COG5: variants seen among roughly 807,000 people sequenced by gnomAD.
COG5 encodes conserved oligomeric Golgi complex subunit 5.
A neutral mutation model predicts 110.4 loss-of-function variants in COG5; 86 were observed. The observed-to-expected ratio is 0.78, with a 90% CI of 0.65 to 0.93. COG5 has a LOEUF of 0.93. Among genes scored for constraint, COG5 ranks in the 40% least tolerant of loss-of-function variants. The pLI is 0.00. For missense variants in COG5, 1,077 were observed against 987.0 expected, an observed-to-expected ratio of 1.09 and a Z score of -1.22; for synonymous variants, 360 against 334.6, an observed-to-expected ratio of 1.08 and a Z score of -0.83.
intron 8 of COG5, among the ~76,000 whole-genome samples, chr7:107,372,371 T>C (rs1814253180): frequency 6.6e-6 from 1 of 152,216 alleles, no homozygotes; most frequent in Non-Finnish European, 1.5e-5. Context: ...CTACAGTTTA[T>C]GGATCTTTAT....
Position 107,362,398 on chromosome 7 carries a change from C to T in COG5, c.858G>A (p.Met286Ile), listed in dbSNP as rs1325740175. ...AAGCTGCAGTATTTCCTGGGGTTGG[C>T]ATGGTAGATCGTCCAGGTCCCCCTG... is the stretch of plus-strand genomic sequence containing the variant. ...AVRGGPGRST[M>I]PTPGNTAALR... is the part of the protein sequence containing the mutation. Residue 286 changes from methionine (M) to isoleucine (I), a missense_variant, in exon 9 of 22, where the codon ATG becomes ATA. Met to Ile is a conservative substitution (Grantham distance 10, BLOSUM62 1). Coordinates refer to ENST00000297135, the MANE Select transcript of COG5 (RefSeq NM_006348.5). 5.6e-6 allele frequency: 9 copies of T among 1,613,628 alleles called. No individual in the cohort carries two copies. In the Admixed American group the frequency reaches 1.0e-4, roughly 18 times the overall value.
intron 11 of COG5, among the ~76,000 whole-genome samples, chr7:107,314,525 C>A (rs1485220235): frequency 6.9e-6 from 1 of 144,980 alleles, no homozygotes; most frequent in African/African-American, 2.6e-5. Flanking sequence ...GGGCAGATCA[C>A]GAGGTCAGGA....
chr7:107,305,372 C>T (rs1807626548), intron 11 of COG5, among the ~76,000 whole-genome samples: 1 of 152,120 alleles, frequency 6.6e-6, no homozygotes, highest in Non-Finnish European at 1.5e-5. Context: ...AATCAACTGC[C>T]AGGCCTTCAC....
intron 6 of COG5, among the ~76,000 whole-genome samples, chr7:107,443,765 A>AG (rs1474327800): frequency 1.3e-5 from 2 of 152,156 alleles, no homozygotes; most frequent in Non-Finnish European, 2.9e-5. Context: ...TGTGCCATGA[A>AG]GGACTTATGC....
chr7:107,548,256 T>C (rs1230283161), intron 4 of COG5, 22 bp downstream of exon 4: 2 of 1,605,822 alleles, frequency 1.2e-6, no homozygotes, highest in African/African-American at 2.7e-5. Flanking sequence ...ATTCCATTTA[T>C]TTATAAAATT....
chr7:107,514,537 G>A (rs1451043395), intron 6 of COG5, among the ~76,000 whole-genome samples: 1 of 152,122 alleles, frequency 6.6e-6, no homozygotes, highest in Non-Finnish European at 1.5e-5. Context: ...ACCAATAGCA[G>A]AAATCCCTTT....
chr7:107,248,302 G>T, intron 17 of COG5, 94 bp downstream of exon 17: 1 of 826,796 alleles, frequency 1.2e-6, no homozygotes, highest in Non-Finnish European at 2.1e-6. Context: ...CAAGGCCCTG[G>T]ATGGCAGGGG....
rs186393315 is a variant in COG5 at position 107,398,026 on chromosome 7, C to A, written c.669+14476G>T. 1.4e-4 allele frequency among the ~76,000 whole-genome samples: 22 copies of A among 152,114 alleles called. No homozygotes were observed. The East Asian group carries it at 4.2e-3, about 29-fold the overall frequency. ...TACATAAAAATTAAAATGTAAAATT[C>A]TAAAACCTCTAAAAGAAAACATGAG... On this transcript the variant is annotated intron_variant, in intron 7 of 21. Coordinates refer to ENST00000297135, the MANE Select transcript of COG5 (RefSeq NM_006348.5).
intron 5 of COG5, among the ~76,000 whole-genome samples, chr7:107,538,354 T>C (rs1563089468): frequency 6.6e-6 from 1 of 152,192 alleles, no homozygotes; most frequent in South Asian, 2.1e-4. Flanking sequence ...CTATGTAAAT[T>C]AGACACTGCC....
chr7:107,208,340 T>G, intron 21 of COG5: 1 of 985,382 alleles, frequency 1.0e-6, no homozygotes, highest in Non-Finnish European at 1.2e-6. Flanking sequence ...ATGAAATCAC[T>G]CAGGAGACAT....
chr7:107,257,806 C>A (rs1303063026), intron 15 of COG5, among the ~76,000 whole-genome samples: 1 of 152,118 alleles, frequency 6.6e-6, no homozygotes, highest in East Asian at 1.9e-4. Flanking sequence ...TGTAAGCAGT[C>A]ATCAGTGATT....
chr7:107,337,125 T>C (rs900971664), intron 10 of COG5, among the ~76,000 whole-genome samples: 1 of 151,918 alleles, frequency 6.6e-6, no homozygotes, highest in Non-Finnish European at 1.5e-5. Flanking sequence ...TTAGAATGAC[T>C]ACTATTAAAA....
chr7:107,307,727 A>C (rs1807851061), intron 11 of COG5, among the ~76,000 whole-genome samples: 1 of 152,158 alleles, frequency 6.6e-6, no homozygotes, highest in Admixed American at 6.5e-5. Flanking sequence ...CAAAGACATA[A>C]GAATGATATA....
chr7:107,302,639 CTA>C (rs1424528474), intron 11 of COG5, among the ~76,000 whole-genome samples: 1 of 152,164 alleles, frequency 6.6e-6, no homozygotes, highest in Non-Finnish European at 1.5e-5. Context: ...TCAAGTAACA[CTA>C]TATGTTCTTT....
intron 12 of COG5, among the ~76,000 whole-genome samples, chr7:107,289,384 A>G (rs1217088735): frequency 6.6e-6 from 1 of 152,150 alleles, no homozygotes; most frequent in Non-Finnish European, 1.5e-5. Flanking sequence ...AGGCAGTACT[A>G]TACCATAGGG....
At chr7:107,446,199 G>A (rs1427812806) in intron 6 of COG5, among the ~76,000 whole-genome samples, 6 of 152,044 alleles carry the variant, frequency 3.9e-5, no homozygotes, top group East Asian at 1.9e-4. Context: ...TCTTCAAATC[G>A]CATATTCAAA....
rs188100295 is a variant in COG5, at chr7:107,278,637, T to C, written c.1575+2663A>G. 6.5e-3 allele frequency among the ~76,000 whole-genome samples: 993 copies of C among 152,216 alleles called. 4 individuals are homozygous for C. Among genetic ancestry groups the C allele is most frequent in the Middle Eastern group, 0.01 (3 of 294 alleles). ...ATGGCTGCAGAAATAACGTCACACATCTACAACCATCTGATCTTTCACAAA... is the reference window on the plus strand; with the variant it reads ...ATGGCTGCAGAAATAACGTCACACACCTACAACCATCTGATCTTTCACAAA... On this transcript the variant is annotated intron_variant, in intron 14 of 21. Transcript: ENST00000297135.
At chr7:107,271,075 C>T (rs1355880273) in intron 14 of COG5, among the ~76,000 whole-genome samples, 1 of 151,628 alleles carries the variant, frequency 6.6e-6, no homozygotes, top group African/African-American at 2.4e-5. Flanking sequence ...CTGCATTGTT[C>T]CTCTTCTTAA....
rs2116079126 is a variant in COG5 at position 107,203,201 on chromosome 7, G to A, written c.*315C>T. 2 of 381,206 alleles carry A rather than the reference G, an allele frequency of 5.2e-6. No individual in the cohort carries two copies. Among genetic ancestry groups the A allele is most frequent in the Middle Eastern group, 1.7e-3 (2 of 1,212 alleles). 23.6% of individuals were successfully genotyped at this position (381,206 alleles called of 1,614,324 possible). A position where few individuals can be genotyped will look rare whatever the true frequency, so the allele number is the denominator to read the frequency against. ...TGATCATATCCCTTTAAAAGAAGTG[G>A]GGACTTTGGGTTTATGTACCCATAG... On this transcript the variant is annotated 3_prime_UTR_variant, in exon 22 of 22. Transcript: ENST00000297135.
Sources: allele counts gnomAD v4.1 joint callset (sites outside exome capture counted in the v4.1 genomes callset), GRCh38; gene constraint gnomAD v4.1.1; transcripts MANE v1.5; gene names NCBI Gene and HGNC (gene_info 2026-07-23, HGNC 2026-07-21).